DCP1B: variants seen among roughly 807,000 people sequenced by gnomAD.
The protein encoded by DCP1B is mRNA-decapping enzyme 1B.
Under a neutral mutation model 60.5 loss-of-function variants are expected in DCP1B, and 47 were observed. That is an observed-to-expected ratio of 0.78 (90% CI 0.61 to 0.99). The LOEUF (loss-of-function observed/expected upper bound fraction) is 0.99. Ranked by LOEUF, DCP1B falls within the 50% of genes least tolerant of loss-of-function variation. DCP1B has a pLI of 0.00. For synonymous variants in DCP1B, 267 were observed against 280.3 expected (o/e 0.95, Z 0.47); for missense variants, 725 against 756.8 (o/e 0.96, Z 0.49).
chr12:1,945,316 T>C (rs2154456144), downstream of DCP1B, among the ~76,000 whole-genome samples: 1 of 152,326 alleles, frequency 6.6e-6, no homozygotes, highest in African/African-American at 2.4e-5. Flanking sequence ...AGGAACGCTT[T>C]TACATTGTTG....
chr12:1,967,928 C>G lies in DCP1B; in HGVS notation c.320-18G>C. On this transcript the variant is annotated intron_variant, in intron 3 of 8. Coordinates refer to ENST00000280665, the MANE Select transcript of DCP1B (RefSeq NM_152640.5). ...GATGGACACTGCAAAAAACACACAT[C>G]AAACAAATTATGAGCATCTTCAAAA... 1 of 1,603,936 alleles carries G rather than the reference C, an allele frequency of 6.2e-7. No individual in the cohort carries two copies. The highest frequency in any genetic ancestry group is 1.1e-5 in the South Asian group (1 of 89,298).
At chr12:1,998,119 G>T in intron 1 of DCP1B, 144 bp from the exon 2 acceptor site, 1 of 616,956 alleles carries the variant, frequency 1.6e-6, no homozygotes, top group South Asian at 2.7e-5. Context: ...TCAGGAAAAG[G>T]AGAAAGCAAG....
intron 5 of DCP1B, among the ~76,000 whole-genome samples, chr12:1,960,404 T>C (rs1211809447): frequency 4.6e-5 from 7 of 152,184 alleles, no homozygotes; most frequent in Non-Finnish European, 1.5e-5. Flanking sequence ...ATTTTGGAGA[T>C]GTTGGTCAAA....
intron 6 of DCP1B, 57 bp downstream of exon 6, chr12:1,955,375 A>T (rs1298412134): frequency 1.9e-6 from 3 of 1,559,122 alleles, no homozygotes; most frequent in Non-Finnish European, 2.6e-6. Flanking sequence ...ATTCTGGGTC[A>T]AAGTTCTTTA....
intron 1 of DCP1B, among the ~76,000 whole-genome samples, chr12:1,999,051 G>C (rs1417092690): frequency 6.6e-6 from 1 of 152,198 alleles, no homozygotes; most frequent in African/African-American, 2.4e-5. Context: ...TTAGTTCAGT[G>C]GGTCTCAAAG....
chr12:1,949,389 A>G (rs1241846507), intron 7 of DCP1B, 55 bp from the exon 8 acceptor site: 4 of 1,593,928 alleles, frequency 2.5e-6, no homozygotes, highest in East Asian at 2.3e-5. Context: ...TCACGGCATG[A>G]TAGCTTGCAG....
At position 2,004,394 on chromosome 12, in the gene DCP1B, C is replaced by T; in HGVS notation, c.38G>A (p.Gly13Glu). The change falls in exon 1 of 9, where the codon GGG becomes GAG. Residue 13 changes from glycine (G) to glutamate (E), a missense_variant. Physicochemically the swap from Gly to Glu is moderately conservative, Grantham distance 98. Coordinates refer to ENST00000280665, the MANE Select transcript of DCP1B (RefSeq NM_152640.5). ...CAGGGCCGCTAGGCTGATGTCGCGC[C>T]CCTTTCCCACCAGGCCGCCTGCCGC... Reference protein sequence around the residue: ...AVAAGGLVGKGRDISLAALQR... With the variant: ...AVAAGGLVGKERDISLAALQR... 1 of 1,612,366 alleles carries T rather than the reference C, an allele frequency of 6.2e-7. No individual in the cohort carries two copies. Among genetic ancestry groups the T allele is most frequent in the Admixed American group, 1.7e-5 (1 of 59,980 alleles).
chr12:1,982,759 T>A (rs1013250258), intron 3 of DCP1B, among the ~76,000 whole-genome samples: 2 of 152,146 alleles, frequency 1.3e-5, no homozygotes, highest in African/African-American at 4.8e-5. Flanking sequence ...TTTCTTGAAA[T>A]GTCTTTGCCT....
chr12:1,973,716 A>T (rs779323135), intron 3 of DCP1B, among the ~76,000 whole-genome samples: 1 of 152,214 alleles, frequency 6.6e-6, no homozygotes, highest in Non-Finnish European at 1.5e-5. Context: ...GAGATATAAC[A>T]GAGTAAATAA....
chr12:1,943,982 G>C (rs1407166958), downstream of DCP1B, among the ~76,000 whole-genome samples: 2 of 152,186 alleles, frequency 1.3e-5, no homozygotes, highest in African/African-American at 2.4e-5. Context: ...AATAGGAACA[G>C]AGGAAGTCAA....
At chr12:1,984,964 A>T (rs549986693) in intron 3 of DCP1B, among the ~76,000 whole-genome samples, 4 of 151,958 alleles carry the variant, frequency 2.6e-5, no homozygotes, top group Non-Finnish European at 5.9e-5. Flanking sequence ...TCTGATAAGA[A>T]ATCTGCAGTC....
intron 1 of DCP1B, among the ~76,000 whole-genome samples, chr12:2,000,088 A>G (rs2041847742): frequency 6.6e-6 from 1 of 152,234 alleles, no homozygotes; most frequent in African/African-American, 2.4e-5. Flanking sequence ...AATGGCCCCT[A>G]CAGTACAGTA....
At chr12:1,954,897 T>C (rs577385691) in intron 6 of DCP1B, among the ~76,000 whole-genome samples, 1 of 152,324 alleles carries the variant, frequency 6.6e-6, no homozygotes, top group African/African-American at 2.4e-5. Context: ...TGGTCTTGCT[T>C]TCTTGCCCAG....
At chr12:1,959,718 G>C (rs1277982322) in intron 5 of DCP1B, among the ~76,000 whole-genome samples, 1 of 152,214 alleles carries the variant, frequency 6.6e-6, no homozygotes, top group African/African-American at 2.4e-5. Flanking sequence ...CCAGCACTTT[G>C]TGAGGCTGAG....
intron 5 of DCP1B, among the ~76,000 whole-genome samples, chr12:1,956,948 C>T (rs1421289264): frequency 6.6e-6 from 1 of 152,184 alleles, no homozygotes; most frequent in Non-Finnish European, 1.5e-5. Context: ...TAACAGGATG[C>T]TTTGTCTGTT....
intron 5 of DCP1B, among the ~76,000 whole-genome samples, chr12:1,959,170 A>T (rs2154456892): frequency 6.6e-6 from 1 of 152,366 alleles, no homozygotes; most frequent in East Asian, 1.9e-4. Context: ...AAGCTCCCTA[A>T]CGTTGCTCTG....
rs1285735020 is a variant in DCP1B, at chr12:1,971,451, C to CATA, written c.320-3544_320-3542dup. ...AACAGGCAATGCAATACTGCCTTTA[C>CATA]ATAATGAAACACCAATCTTTTACTT... is the stretch of plus-strand genomic sequence containing the variant. On this transcript the variant is annotated intron_variant, in intron 3 of 8. Transcript: ENST00000280665. This position sits in a 1 kb window ranked among gnomAD's most constrained non-coding sequence, Gnocchi z 4.2. 2.0e-5 allele frequency among the ~76,000 whole-genome samples: 3 copies of CATA among 152,212 alleles called. No individual in the cohort carries two copies. The highest frequency in any genetic ancestry group is 7.2e-5 in the African/African-American group (3 of 41,454).
intron 2 of DCP1B, among the ~76,000 whole-genome samples, chr12:1,995,828 A>G (rs1312775143): frequency 2.0e-5 from 3 of 152,070 alleles, no homozygotes; most frequent in Non-Finnish European, 4.4e-5. Flanking sequence ...CTTTTATTTC[A>G]TGGTTTCAAC....
chr12:1,954,594 T>A (rs1339832139), intron 6 of DCP1B, among the ~76,000 whole-genome samples: 1 of 152,122 alleles, frequency 6.6e-6, no homozygotes, highest in Non-Finnish European at 1.5e-5. Flanking sequence ...TAATTTAGAT[T>A]GCAAAGACAG....
Sources: gnomAD v4.1 joint callset for allele counts (sites outside exome capture counted in the v4.1 genomes callset) on GRCh38, gnomAD v4.1.1 for gene constraint, Gnocchi (gnomAD v3.1) non-coding constraint, MANE v1.5 for transcripts, NCBI Gene and HGNC (gene_info 2026-07-23, HGNC 2026-07-21) for gene names.